GLYATL2: variants seen among roughly 807,000 people sequenced by gnomAD.
The protein encoded by GLYATL2 is glycine N-acyltransferase-like protein 2.
GLYATL2 carries 25 observed loss-of-function variants against 21.4 expected under a neutral mutation model. That is an observed-to-expected ratio of 1.17 (90% CI 0.85 to 1.63). The LOEUF is 1.63. Among genes scored for constraint, GLYATL2 ranks in the 40% most tolerant of loss-of-function variants. The pLI is 0.00. For synonymous variants in GLYATL2, 114 were observed against 118.2 expected, an observed-to-expected ratio of 0.96 and a Z score of 0.23; for missense variants, 361 against 343.3, an observed-to-expected ratio of 1.05 and a Z score of -0.41.
At chr11:58,864,344 G>A (rs1049284048) in intron 1 of GLYATL2, among the ~76,000 whole-genome samples, 1 of 85,364 alleles carries the variant, frequency 1.2e-5, no homozygotes, top group African/African-American at 3.3e-5. Context: ...GACACCTATG[G>A]CACTGGGGTA....
At chr11:58,844,843 A>G (rs1429196563), upstream of GLYATL2, 3 of 152,236 alleles carry the variant, frequency 2.0e-5, no homozygotes, top group Non-Finnish European at 4.4e-5. Flanking sequence ...TCAGTAGAGC[A>G]AACAAAGAGT....
chr11:58,881,834 G>T (rs564844990), intron 1 of GLYATL2, among the ~76,000 whole-genome samples: 80 of 152,194 alleles, frequency 5.3e-4, no homozygotes, highest in Non-Finnish European at 9.3e-4. Flanking sequence ...GAGAACATGT[G>T]GTGTTTGGTT....
At chr11:58,869,169 T>G (rs1217701153) in intron 1 of GLYATL2, among the ~76,000 whole-genome samples, 1 of 152,196 alleles carries the variant, frequency 6.6e-6, no homozygotes, top group Non-Finnish European at 1.5e-5. Flanking sequence ...GCTGCAGAAG[T>G]TGGATTGTGT....
intron 1 of GLYATL2, among the ~76,000 whole-genome samples, chr11:58,880,080 G>A (rs1854306360): frequency 6.6e-6 from 1 of 151,968 alleles, no homozygotes; most frequent in South Asian, 2.1e-4. Flanking sequence ...GGATAGTCTC[G>A]ATCTCCTGAC....
Position 58,837,097 on chromosome 11 carries a change from G to A in GLYATL2, c.394C>T (p.Leu132Phe), listed in dbSNP as rs1853446353. 2 of 1,613,778 alleles carry A rather than the reference G, an allele frequency of 1.2e-6. No homozygotes were observed. The highest frequency in any genetic ancestry group is 4.5e-5 in the East Asian group (2 of 44,860). Residue 132 changes from leucine to phenylalanine, a missense_variant, in exon 5 of 6, where the codon CTC (leucine) becomes TTC (phenylalanine). Physicochemically the swap from Leu to Phe is conservative, Grantham distance 22. Transcript: ENST00000287275. ...SVQVDYMKTI[L>F]FIPELPKKHK... The stretch of plus-strand genomic sequence containing the variant: ...TTCTTTGGTAATTCCGGTATAAAGA[G>A]GATGGTTTTCATGTAATCTACCTGC...
At chr11:58,870,061 T>C (rs1048017329) in intron 1 of GLYATL2, among the ~76,000 whole-genome samples, 2 of 151,918 alleles carry the variant, frequency 1.3e-5, no homozygotes, top group Non-Finnish European at 2.9e-5. Flanking sequence ...TGAGTTATGA[T>C]CCAGCCACTG....
chr11:58,903,533 C>T (rs548105213), intron 1 of GLYATL2, among the ~76,000 whole-genome samples: 12 of 152,042 alleles, frequency 7.9e-5, no homozygotes, highest in East Asian at 1.9e-4. Flanking sequence ...AGTATCCGGG[C>T]GTGGTGACAG....
upstream of GLYATL2, chr11:58,905,759 C>T (rs1854857716): frequency 2.9e-6 from 1 of 341,230 alleles, no homozygotes. Context: ...GGCGGGTGGG[C>T]GCGCAGTCCC....
chr11:58,881,215 T>C (rs528545123), intron 1 of GLYATL2, among the ~76,000 whole-genome samples: 1 of 152,342 alleles, frequency 6.6e-6, no homozygotes, highest in South Asian at 2.1e-4. Flanking sequence ...CTGGAAAACA[T>C]GCATTCTAAT....
intron 1 of GLYATL2, among the ~76,000 whole-genome samples, chr11:58,854,292 C>G (rs1853790720): frequency 6.6e-6 from 1 of 152,152 alleles, no homozygotes. Context: ...GTTTAACATA[C>G]ATGCCTGCCT....
At chr11:58,899,951 C>G (rs1357575284) in intron 1 of GLYATL2, among the ~76,000 whole-genome samples, 2 of 152,016 alleles carry the variant, frequency 1.3e-5, no homozygotes, top group Non-Finnish European at 2.9e-5. Context: ...GATTTCACCC[C>G]TCTCTGTATT....
intron 1 of GLYATL2, among the ~76,000 whole-genome samples, chr11:58,881,771 T>A (rs1020997641): frequency 1.6e-4 from 24 of 152,160 alleles, no homozygotes; most frequent in Non-Finnish European, 8.8e-5. Context: ...CAGTGTGTGA[T>A]GTTCCCCGCC....
intron 1 of GLYATL2, among the ~76,000 whole-genome samples, chr11:58,873,312 C>T (rs554369353): frequency 1.5e-4 from 23 of 152,068 alleles, no homozygotes; most frequent in South Asian, 6.3e-4. Context: ...GCCAGAACTT[C>T]CAACACTATG....
chr11:58,862,926 T>C (rs1459507329), intron 1 of GLYATL2, among the ~76,000 whole-genome samples: 3 of 152,206 alleles, frequency 2.0e-5, no homozygotes, highest in Non-Finnish European at 4.4e-5. Flanking sequence ...AAAGTTATTC[T>C]AGTCTTTGTA....
intron 1 of GLYATL2, among the ~76,000 whole-genome samples, chr11:58,902,069 G>A (rs542316934): frequency 7.5e-4 from 114 of 152,220 alleles, no homozygotes; most frequent in Middle Eastern, 3.4e-3. Flanking sequence ...GATGGACTAC[G>A]GGGTCTATAT....
At chr11:58,897,535 C>T (rs1015501522) in intron 1 of GLYATL2, among the ~76,000 whole-genome samples, 49 of 152,142 alleles carry the variant, frequency 3.2e-4, no homozygotes, top group Admixed American at 3.1e-3. Context: ...GGCTTCCCAC[C>T]TGCCCCAACC....
intron 1 of GLYATL2, among the ~76,000 whole-genome samples, chr11:58,857,500 C>G (rs371795444): frequency 6.6e-6 from 1 of 152,126 alleles, no homozygotes; most frequent in Admixed American, 6.5e-5. Flanking sequence ...TGGGGCGGGG[C>G]GAGTGGGCTG....
intron 1 of GLYATL2, among the ~76,000 whole-genome samples, chr11:58,890,616 G>A (rs1333561035): frequency 6.6e-6 from 1 of 151,844 alleles, no homozygotes; most frequent in Non-Finnish European, 1.5e-5. Flanking sequence ...AGTTTGTTGA[G>A]GTTTTCTGTT....
At chr11:58,900,599 G>A (rs1854719640) in intron 1 of GLYATL2, among the ~76,000 whole-genome samples, 1 of 152,282 alleles carries the variant, frequency 6.6e-6, no homozygotes, top group East Asian at 1.9e-4. Context: ...GCGTGACGGG[G>A]GGTAGGTTTG....
Sources: gnomAD v4.1 joint callset for allele counts (sites outside exome capture counted in the v4.1 genomes callset) on GRCh38, gnomAD v4.1.1 for gene constraint, MANE v1.5 for transcripts, NCBI Gene and HGNC (gene_info 2026-07-23, HGNC 2026-07-21) for gene names.